Variants in SAYSD1 observed in about 807,000 individuals in gnomAD.
SAYSD1 encodes SAYSVFN motif domain containing 1.
A neutral mutation model predicts 14.5 loss-of-function variants in SAYSD1; 15 were observed. The ratio of observed to expected loss-of-function variants is 1.03; its 90% CI spans 0.69 to 1.59. SAYSD1 has a LOEUF of 1.59. SAYSD1 is among the 40% of genes most tolerant of loss of function. The probability of loss-of-function intolerance (pLI) is 0.00; values close to 1 mark genes in which losing one functional copy is unlikely to be tolerated. For missense variants in SAYSD1, 247 were observed against 227.3 expected, an observed-to-expected ratio of 1.09 and a Z score of -0.56; for synonymous variants, 105 against 102.6, an observed-to-expected ratio of 1.02 and a Z score of -0.14.
At position 39,105,445 on chromosome 6, in the gene SAYSD1, AG is replaced by A; in HGVS notation, c.538del (p.Leu180TrpfsTer16). 6.2e-7 allele frequency: 1 copy of A among 1,614,058 alleles called. No homozygotes were observed. Among genetic ancestry groups the A allele is most frequent in the South Asian group, 1.1e-5 (1 of 91,080 alleles). On this transcript the variant is annotated frameshift_variant, in exon 2 of 2. Transcript: ENST00000229903. LOFTEE classifies it high-confidence loss of function. ...QLERELQLRP[L>X]AGR ...CACAGCTGGGTCCTATCTCCCTGCC[AG>A]GGGTCTCAACTGTAACTCGCGCTCC...
At chr6:39,109,396 G>T in intron 1 of SAYSD1, 1 of 1,550,186 alleles carries the variant, frequency 6.5e-7, no homozygotes. Flanking sequence ...ATCTGGTAGT[G>T]GGAAGGAGGA....
In SAYSD1 at chr6:39,115,008, C is replaced by T. The variant is rs868444258; in HGVS notation, c.82G>A (p.Ala28Thr). 6.2e-7 allele frequency: 1 copy of T among 1,613,580 alleles called. No individual in the cohort carries two copies. The highest frequency in any genetic ancestry group is 1.7e-5 in the Admixed American group (1 of 60,032). Reference sequence around the variant, plus strand: ...TCCGCCTTCTCTCCTGGGGTTTGTGCGCCCTGACTGGCAGCAGGGGGTTGG... The same window carrying T: ...TCCGCCTTCTCTCCTGGGGTTTGTGTGCCCTGACTGGCAGCAGGGGGTTGG... ...AAQPPAASQG[A>T]QTPGEKAEAA... is the part of the protein sequence containing the mutation. The change falls in exon 1 of 2, where the codon GCA becomes ACA. Residue 28 changes from alanine to threonine, a missense_variant. Physicochemically the swap from Ala to Thr is moderately conservative, Grantham distance 58. Coordinates refer to ENST00000229903, the MANE Select transcript of SAYSD1 (RefSeq NM_018322.3).
At chr6:39,106,291 G>A (rs1769501995) in intron 1 of SAYSD1, among the ~76,000 whole-genome samples, 2 of 152,084 alleles carry the variant, frequency 1.3e-5, no homozygotes, top group Admixed American at 1.3e-4. Flanking sequence ...ACTTTGGGAG[G>A]CTGAGGCAGA....
chr6:39,111,228 G>A (rs1392830157), intron 1 of SAYSD1: 2 of 152,108 alleles, frequency 1.3e-5, no homozygotes, highest in African/African-American at 2.4e-5. Context: ...AGCCTACCAT[G>A]GAAATGAAAG....
intron 1 of SAYSD1, among the ~76,000 whole-genome samples, 177 bp from the exon 2 acceptor site, chr6:39,105,953 A>G (rs115884249): frequency 8.1e-4 from 123 of 152,300 alleles, no homozygotes; most frequent in African/African-American, 2.9e-3. Context: ...CTCTACTCCA[A>G]CTGAATCAAA....
At chr6:39,107,180 C>G (rs866203720) in intron 1 of SAYSD1, among the ~76,000 whole-genome samples, 3 of 152,346 alleles carry the variant, frequency 2.0e-5, no homozygotes, top group Middle Eastern at 3.4e-3. Context: ...TCCAGCTTAA[C>G]TGGTCTTATT....
At chr6:39,108,583 C>T (rs179272) in intron 1 of SAYSD1, among the ~76,000 whole-genome samples, 85,623 of 151,882 alleles carry the variant, frequency 0.56, 24,953 homozygotes, top group East Asian at 0.79. Context: ...ACAGGCATGG[C>T]CCAAGGAAGG....
intron 1 of SAYSD1, chr6:39,113,584 A>C (rs368060270): frequency 2.4e-4 from 36 of 152,744 alleles, no homozygotes; most frequent in African/African-American, 8.2e-4. Context: ...TTTGTCTGGC[A>C]ATCAGCGTTT....
intron 1 of SAYSD1, among the ~76,000 whole-genome samples, chr6:39,107,770 T>C (rs1483981506): frequency 6.6e-6 from 1 of 152,186 alleles, no homozygotes; most frequent in Admixed American, 6.5e-5. Flanking sequence ...TGTTTCAGAT[T>C]TGACATGCAT....
intron 1 of SAYSD1, chr6:39,109,256 C>A: frequency 6.7e-7 from 1 of 1,488,308 alleles, no homozygotes; most frequent in Non-Finnish European, 9.2e-7. Context: ...TGGGGGCTTG[C>A]CTGGGATATG....
Position 39,105,511 on chromosome 6 carries a change from C to A in SAYSD1, c.473G>T (p.Gly158Val). The A allele has an allele frequency of 1.9e-6, 3 of 1,614,218 alleles. No homozygotes were observed. Among genetic ancestry groups the A allele is most frequent in the Non-Finnish European group, 2.5e-6 (3 of 1,180,042 alleles). The change falls in exon 2 of 2, where the codon GGC (glycine) becomes GTC (valine). Residue 158 changes from glycine to valine, a missense_variant. Transcript: ENST00000229903. Reference protein sequence around the residue: ...EKSAYSVFNPGCEAIQGTLTA... With the variant: ...EKSAYSVFNPVCEAIQGTLTA... Reference sequence around the variant, plus strand: ...CAGGGTGCCCTGGATGGCTTCACAGCCTGGATTGAACACAGAGTAGGCGCT... The same window carrying A: ...CAGGGTGCCCTGGATGGCTTCACAGACTGGATTGAACACAGAGTAGGCGCT...
intron 1 of SAYSD1, chr6:39,109,594 T>C: frequency 2.9e-6 from 4 of 1,367,666 alleles, no homozygotes; most frequent in Non-Finnish European, 3.8e-6. Flanking sequence ...TTTGTGCATA[T>C]ACATTACAGT....
rs1012742720 is a variant in SAYSD1, at chr6:39,115,162, G to A, written c.-73C>T. 2.2e-6 allele frequency: 3 copies of A among 1,377,098 alleles called. No individual in the cohort carries two copies. Among genetic ancestry groups the A allele is most frequent in the Admixed American group, 2.8e-5 (1 of 36,122 alleles). 85.3% of individuals were successfully genotyped at this position (1,377,098 alleles called of 1,614,324 possible). A position where few individuals can be genotyped will look rare whatever the true frequency, so the allele number is the denominator to read the frequency against. On this transcript the variant is annotated 5_prime_UTR_variant, in exon 1 of 2. Transcript: ENST00000229903. ...GGCCGCACAGCAGTTGCCTCCGCTC[G>A]GCCCGCGCCGGCCGCCGTGCGCCTG...
Position 39,109,702 on chromosome 6 carries a change from T to A in SAYSD1, c.208-3926A>T, listed in dbSNP as rs996546660. 3 of 900,536 alleles carry A rather than the reference T, an allele frequency of 3.3e-6. No homozygotes were observed. In the African/African-American group the frequency reaches 5.3e-5, roughly 16 times the overall value. The allele number at this position is 900,536 out of a possible 1,614,324, so 55.8% of individuals were successfully genotyped here. ...GTGGGACTTCCTCTACCAGGCTCAT[T>A]TCCTTGGACCTAATATCCTCTGGGT... On this transcript the variant is annotated intron_variant, in intron 1 of 1. Transcript: ENST00000229903.
rs147416208 is a variant in SAYSD1, at chr6:39,105,714, C to T, written c.270G>A (p.Pro90=). The T allele has an allele frequency of 2.8e-5, 46 of 1,614,184 alleles. No homozygotes were observed. The highest frequency in any genetic ancestry group is 2.3e-4 in the African/African-American group (17 of 75,056). Residue 90 remains proline (P), a synonymous_variant, in exon 2 of 2, where the codon CCG becomes CCA. Coordinates refer to ENST00000229903, the MANE Select transcript of SAYSD1 (RefSeq NM_018322.3). ...TCAGGAAAGACTGGTCCCAGCACGA[C>T]GGCAGAGGAATGGCTGTGTTCCATG... ...ETPWNTAIPL[P]SCWDQSFLTN... is the part of the protein sequence containing the mutation.
chr6:39,115,157 C>A lies in SAYSD1; in HGVS notation c.-68G>T. ...CCGCAGGCCGCACAGCAGTTGCCTCCGCTCGGCCCGCGCCGGCCGCCGTGC... is the reference window on the plus strand; with the variant it reads ...CCGCAGGCCGCACAGCAGTTGCCTCAGCTCGGCCCGCGCCGGCCGCCGTGC... On this transcript the variant is annotated 5_prime_UTR_variant, in exon 1 of 2. Transcript: ENST00000229903. 2.1e-6 allele frequency: 3 copies of A among 1,423,556 alleles called. No individual in the cohort carries two copies. Among genetic ancestry groups the A allele is most frequent in the Non-Finnish European group, 2.8e-6 (3 of 1,077,622 alleles). 88.2% of individuals were successfully genotyped at this position (1,423,556 alleles called of 1,614,324 possible).
chr6:39,105,737 A>G lies in SAYSD1; in HGVS notation c.247T>C (p.Trp83Arg), dbSNP rs749914403. ...GACGGCAGAGGAATGGCTGTGTTCC[A>G]TGGTGTCTCTGATGTGCTGCCCTGG... ...QPQGSTSETP[W>R]NTAIPLPSCW... Residue 83 changes from tryptophan to arginine, a missense_variant, in exon 2 of 2, where the codon TGG becomes CGG. Transcript: ENST00000229903. 3.7e-6 allele frequency: 6 copies of G among 1,614,170 alleles called. No homozygotes were observed. In the Admixed American group the frequency reaches 5.0e-5, roughly 13 times the overall value.
chr6:39,110,169 G>T (rs777194624), intron 1 of SAYSD1, among the ~76,000 whole-genome samples: 4 of 152,210 alleles, frequency 2.6e-5, no homozygotes, highest in Non-Finnish European at 4.4e-5. Context: ...ATTCCATTGT[G>T]AATGAATACT....
chr6:39,105,545 C>T lies in SAYSD1; in HGVS notation c.439G>A (p.Gly147Arg). Reference protein sequence around the residue: ...GTRGPEEKKEGEKSAYSVFNP... With the variant: ...GTRGPEEKKEREKSAYSVFNP... ...AACACAGAGTAGGCGCTCTTCTCTC[C>T]CTCTTTCTTCTCTTCAGGGCCTCGT... Residue 147 changes from glycine to arginine, a missense_variant, in exon 2 of 2, where the codon GGA becomes AGA. Coordinates refer to ENST00000229903, the MANE Select transcript of SAYSD1 (RefSeq NM_018322.3). 1 of 1,614,214 alleles carries T rather than the reference C, an allele frequency of 6.2e-7. No homozygotes were observed. The highest frequency in any genetic ancestry group is 1.6e-4 in the Middle Eastern group (1 of 6,062).
Sources: allele counts gnomAD v4.1 joint callset (sites outside exome capture counted in the v4.1 genomes callset), GRCh38; gene constraint gnomAD v4.1.1; transcripts MANE v1.5; gene names NCBI Gene and HGNC (gene_info 2026-07-23, HGNC 2026-07-21).